Variants in COQ10B observed in about 807,000 individuals in gnomAD.
COQ10B encodes the protein coenzyme Q10B, also known as coenzyme Q-binding protein COQ10 homolog B, mitochondrial.
In COQ10B, 12 loss-of-function variants were observed where a neutral mutation model predicts 27.6. The ratio of observed to expected loss-of-function variants is 0.43; its 90% CI spans 0.28 to 0.70. The LOEUF is 0.70. Among genes scored for constraint, COQ10B ranks in the 30% least tolerant of loss-of-function variants. The pLI, the probability that COQ10B is intolerant of heterozygous loss-of-function variation, is 0.17. For missense variants in COQ10B, 278 were observed against 288.7 expected, an observed-to-expected ratio of 0.96 and a Z score of 0.27; for synonymous variants, 115 against 103.0, an observed-to-expected ratio of 1.12 and a Z score of -0.71.
At chr2:197,468,658 T>C (rs1448064249) in intron 3 of COQ10B, among the ~76,000 whole-genome samples, 2 of 152,094 alleles carry the variant, frequency 1.3e-5, no homozygotes, top group Admixed American at 6.6e-5. Flanking sequence ...ACTTTAGGAA[T>C]GCTCTAGATT....
At position 197,473,994 on chromosome 2, in the gene COQ10B, C is replaced by T; in HGVS notation, c.*70C>T. ...TCACTTTTAGGAAGTATTTTCATGA[C>T]ATGTTTTCAGAAGCCAGAAAGCATT... On this transcript the variant is annotated 3_prime_UTR_variant, in exon 5 of 5. Coordinates refer to ENST00000263960, the MANE Select transcript of COQ10B (RefSeq NM_025147.5). 7.9e-7 allele frequency: 1 copy of T among 1,273,308 alleles called. No homozygotes were observed. Among genetic ancestry groups the T allele is most frequent in the Non-Finnish European group, 1.0e-6 (1 of 961,998 alleles). The allele number at this position is 1,273,308 out of a possible 1,614,324, so 78.9% of individuals were successfully genotyped here.
intron 3 of COQ10B, among the ~76,000 whole-genome samples, chr2:197,463,888 C>T (rs1272638385): frequency 2.4e-5 from 3 of 124,216 alleles, no homozygotes; most frequent in Admixed American, 9.4e-5. Flanking sequence ...GAGCTGAGAT[C>T]GCGCCAGTGC....
intron 1 of COQ10B, among the ~76,000 whole-genome samples, chr2:197,456,832 G>A (rs762421044): frequency 8.6e-5 from 13 of 151,946 alleles, no homozygotes; most frequent in Non-Finnish European, 1.5e-4. Flanking sequence ...ACTAAAGATT[G>A]GGAAAGCTGG....
At chr2:197,458,409 C>G (rs928469741) in intron 1 of COQ10B, among the ~76,000 whole-genome samples, 7 of 152,068 alleles carry the variant, frequency 4.6e-5, no homozygotes, top group African/African-American at 1.7e-4. Context: ...CTAGGTCACC[C>G]TGTCTAAAGG....
At chr2:197,467,600 C>T (rs1464614594) in intron 3 of COQ10B, among the ~76,000 whole-genome samples, 1 of 152,186 alleles carries the variant, frequency 6.6e-6, no homozygotes, top group Non-Finnish European at 1.5e-5. Context: ...TGGTCTCGAA[C>T]TCCCGAACTC....
intron 3 of COQ10B, among the ~76,000 whole-genome samples, chr2:197,463,998 C>CAT (rs2085795188): frequency 1.8e-5 from 1 of 54,710 alleles, no homozygotes; most frequent in African/African-American, 7.5e-5. Flanking sequence ...TATATATATA[C>CAT]ACACACACAC....
intron 3 of COQ10B, among the ~76,000 whole-genome samples, 183 bp downstream of exon 3, chr2:197,462,914 T>C (rs879586566): frequency 6.6e-6 from 1 of 152,212 alleles, no homozygotes; most frequent in Non-Finnish European, 1.5e-5. Context: ...AAATAGAAAT[T>C]TGAATATAAT....
intron 3 of COQ10B, among the ~76,000 whole-genome samples, chr2:197,468,472 G>A (rs1336338321): frequency 6.6e-6 from 1 of 151,010 alleles, no homozygotes; most frequent in Non-Finnish European, 1.5e-5. Flanking sequence ...AGTAGTCAGA[G>A]GAAGGTGCTA....
chr2:197,462,590 G>A lies in COQ10B; in HGVS notation c.306G>A (p.Lys102=), dbSNP rs3754822. The A allele has an allele frequency of 0.18, 284,080 of 1,588,180 alleles. 26,747 individuals are homozygous for A. The highest frequency in any genetic ancestry group is 0.23 in the East Asian group (10,438 of 44,442). ...TAGTATCGGGAGTGGAGGATTACAA[G>A]CATTTTGTTCCTTGGTGCAAAAAAT... is the stretch of plus-strand genomic sequence containing the variant. ...YDVVSGVEDY[K]HFVPWCKKSD... The change falls in exon 3 of 5, where the codon AAG becomes AAA. Residue 102 remains lysine, a synonymous_variant. Coordinates refer to ENST00000263960, the MANE Select transcript of COQ10B (RefSeq NM_025147.5).
chr2:197,461,018 A>C (rs1191804109), intron 2 of COQ10B, among the ~76,000 whole-genome samples: 1 of 152,206 alleles, frequency 6.6e-6, no homozygotes, highest in East Asian at 1.9e-4. Flanking sequence ...CTTAATTCCT[A>C]ACTGGCCATG....
chr2:197,462,465 A>G, intron 2 of COQ10B, 74 bp from the exon 3 acceptor site: 1 of 751,412 alleles, frequency 1.3e-6, no homozygotes, highest in South Asian at 1.8e-5. Flanking sequence ...TTTTATACAT[A>G]TTCACTTTAA....
chr2:197,474,576 C>G lies in COQ10B; in HGVS notation c.*652C>G, dbSNP rs915752675. 3 of 152,182 alleles carry G rather than the reference C, an allele frequency of 2.0e-5. No homozygotes were observed. The highest frequency in any genetic ancestry group is 7.2e-5 in the African/African-American group (3 of 41,422). The allele number at this position is 152,182 out of a possible 1,614,324, so 9.4% of individuals were successfully genotyped here. ...TGGCACACACCTGTAATCCCAGTTACTTGGGAGGCTGAGGCACAAGAATCG... is the reference window on the plus strand; with the variant it reads ...TGGCACACACCTGTAATCCCAGTTAGTTGGGAGGCTGAGGCACAAGAATCG... On this transcript the variant is annotated 3_prime_UTR_variant, in exon 5 of 5. Transcript: ENST00000263960.
chr2:197,464,001 A>G (rs1418408743), intron 3 of COQ10B, among the ~76,000 whole-genome samples: 5 of 90,246 alleles, frequency 5.5e-5, no homozygotes, highest in Non-Finnish European at 1.1e-4. Flanking sequence ...ATATATACAC[A>G]CACACACACA....
intron 3 of COQ10B, among the ~76,000 whole-genome samples, chr2:197,464,038 C>T (rs1372461110): frequency 8.9e-6 from 1 of 112,896 alleles, no homozygotes; most frequent in Non-Finnish European, 1.8e-5. Flanking sequence ...TACATACACA[C>T]ACATATATAT....
intron 1 of COQ10B, among the ~76,000 whole-genome samples, chr2:197,455,415 C>G (rs764549695): frequency 6.6e-6 from 1 of 151,180 alleles, no homozygotes; most frequent in Non-Finnish European, 1.5e-5. Context: ...TGCCTGAGCT[C>G]ATGAAACCAG....
In COQ10B at chr2:197,459,958, T is replaced by A. The variant is rs2085738166; in HGVS notation, c.131T>A (p.Met44Lys). 1 of 1,609,652 alleles carries A rather than the reference T, an allele frequency of 6.2e-7. No individual in the cohort carries two copies. The highest frequency in any genetic ancestry group is 1.1e-5 in the South Asian group (1 of 90,224). The change falls in exon 2 of 5, where the codon ATG becomes AAG. Residue 44 changes from methionine to lysine, a missense_variant. Met to Lys is a moderately conservative substitution (Grantham distance 95). Transcript: ENST00000263960. ...TATTTAGCTTCCTGTGGTATACTGATGAGCAGAACTCTTCCACTACATACC... is the reference window on the plus strand; with the variant it reads ...TATTTAGCTTCCTGTGGTATACTGAAGAGCAGAACTCTTCCACTACATACC... Reference protein sequence around the residue: ...GRYLASCGILMSRTLPLHTSI... With the variant: ...GRYLASCGILKSRTLPLHTSI...
chr2:197,458,155 C>T (rs1248026910), intron 1 of COQ10B, among the ~76,000 whole-genome samples: 13 of 144,600 alleles, frequency 9.0e-5, no homozygotes, highest in Admixed American at 8.3e-4. Flanking sequence ...GAATCACTGT[C>T]GCCCAGGCTG....
Position 197,453,622 on chromosome 2 carries a change from C to T in COQ10B, c.62C>T (p.Ser21Leu). 2 of 1,613,806 alleles carry T rather than the reference C, an allele frequency of 1.2e-6. No individual in the cohort carries two copies. Among genetic ancestry groups the T allele is most frequent in the South Asian group, 1.1e-5 (1 of 91,062 alleles). The change falls in exon 1 of 5, where the codon TCG becomes TTG. Residue 21 changes from serine (S) to leucine (L), a missense_variant. Coordinates refer to ENST00000263960, the MANE Select transcript of COQ10B (RefSeq NM_025147.5). ...GTAGTCTCGGGATGCCGTCCGAAGT[C>T]GGCGACAGCGGCCGGGGCGCAGGCG... Reference protein sequence around the residue: ...RRVVSGCRPKSATAAGAQAPV... With the variant: ...RRVVSGCRPKLATAAGAQAPV...
intron 2 of COQ10B, among the ~76,000 whole-genome samples, chr2:197,461,185 A>G (rs1005731833): frequency 2.9e-4 from 44 of 152,314 alleles, no homozygotes; most frequent in African/African-American, 9.6e-4. Context: ...CCCTATAGAT[A>G]ATACCCAAGA....
Sources: gnomAD v4.1 joint callset for allele counts (sites outside exome capture counted in the v4.1 genomes callset) on GRCh38, gnomAD v4.1.1 for gene constraint, MANE v1.5 for transcripts, NCBI Gene and HGNC (gene_info 2026-07-23, HGNC 2026-07-21) for gene names.